Variants in SPATA16 observed in about 807,000 individuals in gnomAD.
The protein encoded by SPATA16 is spermatogenesis-associated protein 16.
A neutral mutation model predicts 63.3 loss-of-function variants in SPATA16; 36 were observed. The ratio of observed to expected loss-of-function variants is 0.57; its 90% confidence interval spans 0.44 to 0.75. SPATA16 has a LOEUF of 0.75. Ranked by LOEUF, SPATA16 falls within the 30% of genes least tolerant of loss-of-function variation. The pLI, the probability that SPATA16 is intolerant of heterozygous loss-of-function variation, is 0.00. For synonymous variants in SPATA16, 203 were observed against 216.7 expected (o/e 0.94, Z 0.56); for missense variants, 646 against 679.3 (o/e 0.95, Z 0.54).
intron 4 of SPATA16, among the ~76,000 whole-genome samples, chr3:172,985,381 C>A (rs962678240): frequency 2.6e-5 from 4 of 151,924 alleles, no homozygotes; most frequent in African/African-American, 9.7e-5. Flanking sequence ...GCAAATGTTT[C>A]TTGTTTTATT....
At position 173,107,879 on chromosome 3, in the gene SPATA16, C is replaced by T. The variant is rs191116566; in HGVS notation, c.612+9241G>A. Among the ~76,000 whole-genome samples, 577 of 152,056 alleles carry T rather than the reference C, an allele frequency of 3.8e-3. 2 individuals are homozygous for T. The highest frequency in any genetic ancestry group is 8.5e-3 in the African/African-American group (353 of 41,478). On this transcript the variant is annotated intron_variant, in intron 2 of 10. Coordinates refer to ENST00000351008, the MANE Select transcript of SPATA16 (RefSeq NM_031955.6). The stretch of plus-strand genomic sequence containing the variant: ...GGAAGAAATGTTTTGCAACATGATC[C>T]GATACTTAAGTCAGAATCATCTGAC...
chr3:172,977,247 C>G (rs1734184108), intron 4 of SPATA16, among the ~76,000 whole-genome samples, 195 bp from the exon 5 acceptor site: 1 of 149,910 alleles, frequency 6.7e-6, no homozygotes, highest in Non-Finnish European at 1.5e-5. Context: ...GGTAGATAAA[C>G]CAAAACTATA....
chr3:173,128,049 T>G (rs1738273387), intron 1 of SPATA16, among the ~76,000 whole-genome samples: 1 of 152,160 alleles, frequency 6.6e-6, no homozygotes, highest in African/African-American at 2.4e-5. Context: ...ATTTTTAGCA[T>G]TGGAAAGGAA....
At position 173,043,568 on chromosome 3, in the gene SPATA16, G is replaced by T. The variant is rs941986336; in HGVS notation, c.758+5381C>A. On this transcript the variant is annotated intron_variant, in intron 3 of 10. Transcript: ENST00000351008. Reference sequence around the variant, plus strand: ...TTTATCTTTAAGGACATTTTGAAAAGAAAATACAGTCTTTTATATTTACCA... The same window carrying T: ...TTTATCTTTAAGGACATTTTGAAAATAAAATACAGTCTTTTATATTTACCA... 7.2e-5 allele frequency among the ~76,000 whole-genome samples: 11 copies of T among 151,970 alleles called. No individual in the cohort carries two copies. In the South Asian group the frequency reaches 2.3e-3, roughly 31 times the overall value.
chr3:172,935,870 A>G (rs1381107012), intron 6 of SPATA16, among the ~76,000 whole-genome samples: 2 of 152,178 alleles, frequency 1.3e-5, no homozygotes, highest in African/African-American at 4.8e-5. Flanking sequence ...ATGTCTAGGA[A>G]TAAACTGCTC....
At chr3:172,901,117 TTTG>T (rs1732118109) in intron 10 of SPATA16, among the ~76,000 whole-genome samples, 1 of 152,254 alleles carries the variant, frequency 6.6e-6, no homozygotes, top group South Asian at 2.1e-4. Flanking sequence ...CTTTCTGTTA[TTTG>T]TTGTGACTGT....
chr3:173,030,119 T>G (rs1463556354), intron 3 of SPATA16, among the ~76,000 whole-genome samples: 1 of 152,038 alleles, frequency 6.6e-6, no homozygotes, highest in Non-Finnish European at 1.5e-5. Context: ...CCCACCTACC[T>G]GTCTATCTAT....
chr3:172,905,976 C>G (rs1732224730), intron 10 of SPATA16, among the ~76,000 whole-genome samples: 1 of 152,140 alleles, frequency 6.6e-6, no homozygotes, highest in Non-Finnish European at 1.5e-5. Context: ...CAGAACAAGA[C>G]AATACTGTAT....
At chr3:172,954,199 G>T (rs1176926071) in intron 6 of SPATA16, among the ~76,000 whole-genome samples, 7 of 152,192 alleles carry the variant, frequency 4.6e-5, no homozygotes, top group African/African-American at 7.2e-5. Flanking sequence ...GTTCCACATG[G>T]CTGGGGAGGC....
At chr3:172,996,057 T>C (rs1734686118) in intron 4 of SPATA16, among the ~76,000 whole-genome samples, 1 of 152,154 alleles carries the variant, frequency 6.6e-6, no homozygotes, top group African/African-American at 2.4e-5. Context: ...CTATCTTTCA[T>C]AGCCTTAACA....
intron 10 of SPATA16, among the ~76,000 whole-genome samples, chr3:172,897,736 A>G (rs187763639): frequency 6.6e-6 from 1 of 152,176 alleles, no homozygotes; most frequent in African/African-American, 2.4e-5. Flanking sequence ...CCTGTTTTAC[A>G]TGCCTTTTCT....
chr3:173,113,773 G>A (rs1050816856), intron 2 of SPATA16, among the ~76,000 whole-genome samples: 1 of 152,048 alleles, frequency 6.6e-6, no homozygotes, highest in African/African-American at 2.4e-5. Flanking sequence ...ATGCCTCCAG[G>A]GCCTTTGCTC....
At chr3:173,134,659 C>T (rs987078660) in intron 1 of SPATA16, among the ~76,000 whole-genome samples, 1 of 152,108 alleles carries the variant, frequency 6.6e-6, no homozygotes, top group Non-Finnish European at 1.5e-5. Flanking sequence ...TCCCAGCCTC[C>T]AGAATTGTAA....
At chr3:172,895,760 A>G (rs930614492) in intron 10 of SPATA16, among the ~76,000 whole-genome samples, 2 of 152,132 alleles carry the variant, frequency 1.3e-5, no homozygotes, top group Non-Finnish European at 2.9e-5. Context: ...ATTTCTTTTT[A>G]TCACTAACTA....
rs554484003 is a variant in SPATA16 at position 173,019,659 on chromosome 3, A to G, written c.759-84T>C. 34 of 1,214,606 alleles carry G rather than the reference A, an allele frequency of 2.8e-5. No homozygotes were observed. In the African/African-American group the frequency reaches 4.9e-4, roughly 18 times the overall value. 75.2% of individuals were successfully genotyped at this position (1,214,606 alleles called of 1,614,324 possible). A position where few individuals can be genotyped will look rare whatever the true frequency, so the allele number is the denominator to read the frequency against. On this transcript the variant is annotated intron_variant, in intron 3 of 10. Transcript: ENST00000351008. ...AGTGCAATGGAATGAAATCACAGGCATTCAATTTTATATACTATGTGTTTT... is the reference window on the plus strand; with the variant it reads ...AGTGCAATGGAATGAAATCACAGGCGTTCAATTTTATATACTATGTGTTTT...
At chr3:173,105,476 G>A (rs962446395) in intron 2 of SPATA16, among the ~76,000 whole-genome samples, 1 of 152,182 alleles carries the variant, frequency 6.6e-6, no homozygotes, top group African/African-American at 2.4e-5. Context: ...ACGTATTACA[G>A]TTTTCTCTCA....
Position 173,074,942 on chromosome 3 carries a change from G to A in SPATA16, c.613-25848C>T, listed in dbSNP as rs11919178. Among the ~76,000 whole-genome samples the A allele has an allele frequency of 5.0e-3, 714 of 143,350 alleles. 5 individuals are homozygous for A. Among genetic ancestry groups the A allele is most frequent in the African/African-American group, 0.018 (683 of 38,356 alleles). The allele number at this position is 143,350 out of a possible 152,430, so 94.0% of individuals were successfully genotyped here. On this transcript the variant is annotated intron_variant, in intron 2 of 10. Coordinates refer to ENST00000351008, the MANE Select transcript of SPATA16 (RefSeq NM_031955.6). ...GAACCCGGGAGGCAGAGATTGCAGT[G>A]AGCCAAGATTGCACCATGCCACTCC...
chr3:173,099,828 G>A (rs1737447984), intron 2 of SPATA16, among the ~76,000 whole-genome samples: 1 of 152,114 alleles, frequency 6.6e-6, no homozygotes. Context: ...TTATGGAGAG[G>A]TCAAAATTCC....
chr3:172,919,651 T>C (rs931029718), intron 8 of SPATA16, among the ~76,000 whole-genome samples: 14 of 152,154 alleles, frequency 9.2e-5, no homozygotes, highest in Non-Finnish European at 1.3e-4. Flanking sequence ...ATTTGTACAT[T>C]ATATGTTCAT....
Sources: allele counts gnomAD v4.1 joint callset (sites outside exome capture counted in the v4.1 genomes callset), GRCh38; gene constraint gnomAD v4.1.1; transcripts MANE v1.5; gene names NCBI Gene and HGNC (gene_info 2026-07-23, HGNC 2026-07-21).